ANO10: variants seen among roughly 807,000 people sequenced by gnomAD.
The protein encoded by ANO10 is anoctamin-10.
A neutral mutation model predicts 74.7 loss-of-function variants in ANO10; 77 were observed. The ratio of observed to expected loss-of-function variants is 1.03; its 90% CI spans 0.86 to 1.25. The LOEUF is 1.25. Among genes scored for constraint, ANO10 ranks in the 50% most tolerant of loss-of-function variants. The pLI is 0.00. For synonymous variants in ANO10, 279 were observed against 284.9 expected (o/e 0.98, Z 0.21); for missense variants, 721 against 778.1 (o/e 0.93, Z 0.87).
intron 11 of ANO10, among the ~76,000 whole-genome samples, chr3:43,454,649 A>G (rs17407870): frequency 0.22 from 33,878 of 152,056 alleles, 4,319 homozygotes; most frequent in Middle Eastern, 0.36. Flanking sequence ...TGAAAATCAA[A>G]TGAAAACAGT....
chr3:43,567,769 C>T (rs1157399890), intron 7 of ANO10, among the ~76,000 whole-genome samples: 29 of 150,930 alleles, frequency 1.9e-4, no homozygotes, highest in Admixed American at 4.0e-4. Context: ...GAAGAAACTG[C>T]ATCAACTAAC....
intron 12 of ANO10, among the ~76,000 whole-genome samples, chr3:43,392,054 G>C (rs1487845145): frequency 6.6e-6 from 1 of 152,126 alleles, no homozygotes; most frequent in Non-Finnish European, 1.5e-5. Flanking sequence ...CTGGTCAGTG[G>C]AGTAATAAAG....
Position 43,498,987 on chromosome 3 carries a change from G to A in ANO10, c.1797+50733C>T, listed in dbSNP as rs150264904. Among the ~76,000 whole-genome samples the A allele has an allele frequency of 1.6e-4, 25 of 152,294 alleles. No homozygotes were observed. The East Asian group carries it at 4.4e-3, about 27-fold the overall frequency. On this transcript the variant is annotated intron_variant, in intron 11 of 12. Transcript: ENST00000292246. The stretch of plus-strand genomic sequence containing the variant: ...GCACTGGGGGTAAGTCCCCAGACCC[G>A]ACTACCTGAGGTGGTGGTGAGTACT...
chr3:43,595,128 AC>A (rs2082011377), intron 4 of ANO10, among the ~76,000 whole-genome samples: 1 of 152,228 alleles, frequency 6.6e-6, no homozygotes, highest in Non-Finnish European at 1.5e-5. Flanking sequence ...TTAAGAGACT[AC>A]CAACCAAAAA....
At chr3:43,389,849 T>C (rs775452077) in intron 12 of ANO10, among the ~76,000 whole-genome samples, 2 of 152,192 alleles carry the variant, frequency 1.3e-5, no homozygotes, top group Non-Finnish European at 2.9e-5. Flanking sequence ...CTATGCGTGT[T>C]CCGGGCTGGG....
chr3:43,395,628 C>T (rs1034166180), intron 12 of ANO10, among the ~76,000 whole-genome samples: 5 of 152,102 alleles, frequency 3.3e-5, no homozygotes, highest in South Asian at 4.1e-4. Context: ...TATTCTGCTC[C>T]GTTAATCTAC....
At position 43,404,691 on chromosome 3, in the gene ANO10, A is replaced by G. The variant is rs562435294; in HGVS notation, c.1914+27920T>C. On this transcript the variant is annotated intron_variant, in intron 12 of 12. Transcript: ENST00000292246. ...GAGCCCAGGAGTTTGAGACCAGTCT[A>G]GGCAACATAAAGAGACTCCATCTCT... 3.3e-5 allele frequency among the ~76,000 whole-genome samples: 5 copies of G among 152,042 alleles called. No homozygotes were observed. The East Asian group carries it at 9.7e-4, about 29-fold the overall frequency.
At chr3:43,495,025 C>G (rs2076863883) in intron 11 of ANO10, among the ~76,000 whole-genome samples, 1 of 151,734 alleles carries the variant, frequency 6.6e-6, no homozygotes, top group Non-Finnish European at 1.5e-5. Flanking sequence ...CTAAAACTTA[C>G]TATAACAACT....
chr3:43,410,704 T>C (rs1455592874), intron 12 of ANO10, among the ~76,000 whole-genome samples: 1 of 152,136 alleles, frequency 6.6e-6, no homozygotes, highest in Non-Finnish European at 1.5e-5. Flanking sequence ...GTGCAATTTA[T>C]GTAACTAGCA....
At chr3:43,572,852 C>T (rs577656567) in intron 7 of ANO10, among the ~76,000 whole-genome samples, 91 of 152,240 alleles carry the variant, frequency 6.0e-4, no homozygotes, top group African/African-American at 2.0e-3. Context: ...AAGATCAACA[C>T]GACCGCAGGA....
At chr3:43,487,930 T>C (rs1358785218) in intron 11 of ANO10, among the ~76,000 whole-genome samples, 1 of 151,864 alleles carries the variant, frequency 6.6e-6, no homozygotes, top group African/African-American at 2.4e-5. Context: ...ACTACAAGGC[T>C]ACAGTAACCA....
At chr3:43,571,862 TAAA>T (rs35839099) in intron 7 of ANO10, among the ~76,000 whole-genome samples, 44 of 118,478 alleles carry the variant, frequency 3.7e-4, no homozygotes, top group Admixed American at 3.6e-4. Context: ...TTTCCTACAT[TAAA>T]AAAAAAAAAA....
At chr3:43,595,790 G>C (rs760196851) in intron 4 of ANO10, among the ~76,000 whole-genome samples, 1 of 152,010 alleles carries the variant, frequency 6.6e-6, no homozygotes, top group Non-Finnish European at 1.5e-5. Context: ...AGAAATAAAG[G>C]GTATTCAATT....
At chr3:43,394,145 C>G (rs901691010) in intron 12 of ANO10, among the ~76,000 whole-genome samples, 1 of 152,082 alleles carries the variant, frequency 6.6e-6, no homozygotes, top group Non-Finnish European at 1.5e-5. Context: ...CTTGGAAATC[C>G]GTGCTAATGA....
At chr3:43,541,729 C>T (rs1473481126) in intron 11 of ANO10, among the ~76,000 whole-genome samples, 6 of 152,206 alleles carry the variant, frequency 3.9e-5, no homozygotes, top group Non-Finnish European at 8.8e-5. Context: ...CTTTATGAAG[C>T]TTCTCAGTTA....
chr3:43,521,361 T>C (rs2077948232), intron 11 of ANO10, among the ~76,000 whole-genome samples: 1 of 152,212 alleles, frequency 6.6e-6, no homozygotes. Flanking sequence ...AAGCCTTTAA[T>C]GGTATTTACA....
chr3:43,684,747 A>C (rs904086340), intron 1 of ANO10, among the ~76,000 whole-genome samples: 32 of 152,226 alleles, frequency 2.1e-4, no homozygotes, highest in Admixed American at 2.0e-4. Flanking sequence ...AATACTATGC[A>C]GCCATAAAAA....
At chr3:43,542,707 C>T (rs2079009116) in intron 11 of ANO10, among the ~76,000 whole-genome samples, 1 of 152,194 alleles carries the variant, frequency 6.6e-6, no homozygotes, top group African/African-American at 2.4e-5. Flanking sequence ...ACACCCCAAG[C>T]TACCTCTATG....
intron 1 of ANO10, among the ~76,000 whole-genome samples, chr3:43,606,611 T>A (rs535771934): frequency 1.1e-4 from 17 of 150,206 alleles, no homozygotes; most frequent in African/African-American, 4.2e-4. Context: ...CGGGGTTAAA[T>A]CTATAGAAGC....
Sources: gnomAD v4.1 joint callset for allele counts (sites outside exome capture counted in the v4.1 genomes callset) on GRCh38, gnomAD v4.1.1 for gene constraint, MANE v1.5 for transcripts, NCBI Gene and HGNC (gene_info 2026-07-23, HGNC 2026-07-21) for gene names.